FBXL7: variants seen among roughly 807,000 people sequenced by gnomAD.
The protein encoded by FBXL7 is F-box and leucine rich repeat protein 7.
A neutral mutation model predicts 38.3 loss-of-function variants in FBXL7; 12 were observed. The ratio of observed to expected loss-of-function variants is 0.31; its 90% CI spans 0.20 to 0.51. The LOEUF (loss-of-function observed/expected upper bound fraction) is 0.51. Among genes scored for constraint, FBXL7 ranks in the 20% least tolerant of loss-of-function variants. The probability of loss-of-function intolerance (pLI) is 0.98; values close to 1 mark genes in which losing one functional copy is unlikely to be tolerated. For synonymous variants in FBXL7, 297 were observed against 300.9 expected, an observed-to-expected ratio of 0.99 and a Z score of 0.13; for missense variants, 567 against 676.4, an observed-to-expected ratio of 0.84 and a Z score of 1.79.
At chr5:15,931,786 T>G (rs1395575020) in intron 3 of FBXL7, among the ~76,000 whole-genome samples, 2 of 152,196 alleles carry the variant, frequency 1.3e-5, no homozygotes, top group Non-Finnish European at 2.9e-5. Flanking sequence ...TGCATGCCTC[T>G]CTGGCTTGTG....
intron 2 of FBXL7, among the ~76,000 whole-genome samples, chr5:15,922,089 A>G (rs1023751028): frequency 6.6e-6 from 1 of 152,018 alleles, no homozygotes; most frequent in South Asian, 2.1e-4. Flanking sequence ...GGGTTTATCA[A>G]TGGATGAATG....
At chr5:15,817,968 A>G (rs559895465) in intron 2 of FBXL7, among the ~76,000 whole-genome samples, 13 of 152,306 alleles carry the variant, frequency 8.5e-5, no homozygotes, top group Non-Finnish European at 1.6e-4. Context: ...CTTAGGAGGC[A>G]TGAAGTGAGT....
At chr5:15,741,151 A>C (rs747430832) in intron 2 of FBXL7, among the ~76,000 whole-genome samples, 10 of 152,220 alleles carry the variant, frequency 6.6e-5, no homozygotes, top group Non-Finnish European at 1.5e-4. Flanking sequence ...GAAAATCTTT[A>C]TATAGAAATA....
chr5:15,722,972 C>T (rs151327371), intron 2 of FBXL7, among the ~76,000 whole-genome samples: 352 of 149,574 alleles, frequency 2.4e-3, no homozygotes, highest in African/African-American at 8.0e-3. Flanking sequence ...GGAAAAAAAT[C>T]ACAGTTAGTT....
At chr5:15,684,671 C>T (rs929388645) in intron 2 of FBXL7, among the ~76,000 whole-genome samples, 1 of 152,132 alleles carries the variant, frequency 6.6e-6, no homozygotes, top group Admixed American at 6.5e-5. Flanking sequence ...GAGTCAGAAT[C>T]CAAGAAAGAT....
intron 2 of FBXL7, among the ~76,000 whole-genome samples, chr5:15,729,993 A>T (rs1383068603): frequency 6.6e-6 from 1 of 152,194 alleles, no homozygotes; most frequent in Admixed American, 6.5e-5. Flanking sequence ...CGAAGAATAA[A>T]AGCCGAGTTC....
intron 1 of FBXL7, among the ~76,000 whole-genome samples, chr5:15,577,206 CCCTT>C (rs1738993780): frequency 6.6e-6 from 1 of 152,146 alleles, no homozygotes; most frequent in Non-Finnish European, 1.5e-5. Context: ...CTAGCTGTGT[CCCTT>C]CCTGAGAACT....
intron 2 of FBXL7, among the ~76,000 whole-genome samples, chr5:15,740,892 C>T (rs1735878159): frequency 6.6e-6 from 1 of 152,076 alleles, no homozygotes; most frequent in Non-Finnish European, 1.5e-5. Context: ...ATTGTTTAAA[C>T]AAAGAGAAGA....
rs755635478 is a variant in FBXL7 at position 15,890,341 on chromosome 5, C to T, written c.128-37549C>T. On this transcript the variant is annotated intron_variant, in intron 2 of 3. Coordinates refer to ENST00000504595, the MANE Select transcript of FBXL7 (RefSeq NM_012304.5). The stretch of plus-strand genomic sequence containing the variant: ...TCTGCTCACTGCAACCTCCGCCTCC[C>T]GGGTTCAAGCGATTCTCCTGCCTCA... 6.6e-5 allele frequency among the ~76,000 whole-genome samples: 10 copies of T among 152,250 alleles called. 2 individuals are homozygous for T. Among genetic ancestry groups the T allele is most frequent in the African/African-American group, 2.4e-5 (1 of 41,554 alleles).
chr5:15,609,275 T>A (rs1740138097), intron 1 of FBXL7, among the ~76,000 whole-genome samples: 1 of 152,282 alleles, frequency 6.6e-6, no homozygotes, highest in Middle Eastern at 3.4e-3. Context: ...ACTTGATGAA[T>A]CAGAGCCACC....
At chr5:15,550,785 C>T (rs889377807) in intron 1 of FBXL7, among the ~76,000 whole-genome samples, 2 of 152,222 alleles carry the variant, frequency 1.3e-5, no homozygotes, top group African/African-American at 4.8e-5. Flanking sequence ...CGGGACTGCC[C>T]AAAGGTAATG....
intron 2 of FBXL7, among the ~76,000 whole-genome samples, chr5:15,709,667 A>G (rs1561094725): frequency 6.6e-6 from 1 of 152,106 alleles, no homozygotes; most frequent in Non-Finnish European, 1.5e-5. Flanking sequence ...GATTATTGCC[A>G]TAACCTTCTG....
rs564101657 is a variant in FBXL7, at chr5:15,850,948, C to T, written c.128-76942C>T. 3.3e-5 allele frequency among the ~76,000 whole-genome samples: 5 copies of T among 152,368 alleles called. No individual in the cohort carries two copies. The South Asian group carries it at 1.0e-3, about 32-fold the overall frequency. On this transcript the variant is annotated intron_variant, in intron 2 of 3. Transcript: ENST00000504595. ...TCATCTCTTGCGGCTTGGCTGTCGC[C>T]AGCATGTAAGAACTCCCAACTCCTT... is the stretch of plus-strand genomic sequence containing the variant.
intron 2 of FBXL7, among the ~76,000 whole-genome samples, chr5:15,627,345 G>C (rs995687960): frequency 6.6e-6 from 1 of 152,174 alleles, no homozygotes. Flanking sequence ...GGAAGCCTGG[G>C]ACTGTTGGCT....
At chr5:15,809,437 A>G (rs1737798461) in intron 2 of FBXL7, among the ~76,000 whole-genome samples, 1 of 152,224 alleles carries the variant, frequency 6.6e-6, no homozygotes, top group Admixed American at 6.5e-5. Flanking sequence ...GTAAGAGAGA[A>G]GACCAATAAT....
intron 2 of FBXL7, among the ~76,000 whole-genome samples, chr5:15,709,215 A>G (rs1198370202): frequency 6.6e-6 from 1 of 152,164 alleles, no homozygotes; most frequent in Non-Finnish European, 1.5e-5. Context: ...TTGAGAAGTT[A>G]AGATATTACA....
intron 2 of FBXL7, among the ~76,000 whole-genome samples, chr5:15,701,605 A>T (rs531029871): frequency 5.2e-4 from 79 of 152,314 alleles, no homozygotes; most frequent in Non-Finnish European, 9.6e-4. Context: ...AGTTGAATTG[A>T]GGAGATAGAC....
intron 2 of FBXL7, among the ~76,000 whole-genome samples, chr5:15,841,288 A>C (rs2126783822): frequency 6.6e-6 from 1 of 152,310 alleles, no homozygotes; most frequent in South Asian, 2.1e-4. Flanking sequence ...GAAATGCCAA[A>C]GTTTCCCTAT....
At chr5:15,885,735 A>G (rs1290127147) in intron 2 of FBXL7, among the ~76,000 whole-genome samples, 1 of 151,898 alleles carries the variant, frequency 6.6e-6, no homozygotes, top group Non-Finnish European at 1.5e-5. Context: ...TTTTTTTGAG[A>G]CAGGTCTCAC....
Sources: allele counts gnomAD v4.1 joint callset (sites outside exome capture counted in the v4.1 genomes callset), GRCh38; gene constraint gnomAD v4.1.1; transcripts MANE v1.5; gene names NCBI Gene and HGNC (gene_info 2026-07-23, HGNC 2026-07-21).